MOB2: variants seen among roughly 807,000 people sequenced by gnomAD.
MOB2 encodes MOB kinase activator 2.
A neutral mutation model predicts 27.4 loss-of-function variants in MOB2; 14 were observed. That is an observed-to-expected ratio of 0.51 (90% CI 0.34 to 0.80). The LOEUF (loss-of-function observed/expected upper bound fraction) is 0.80. Ranked by LOEUF, MOB2 falls within the 30% of genes least tolerant of loss-of-function variation. The pLI is 0.01. For missense variants in MOB2, 304 were observed against 354.6 expected (o/e 0.86, Z 1.15); for synonymous variants, 167 against 151.8 (o/e 1.10, Z -0.74).
chr11:1,475,427 G>A lies in MOB2; in HGVS notation c.366-4008C>T, dbSNP rs538015558. ...GAGAGCACCAAACCCTATATATGCT[G>A]CGCTTTCTCCTATACATACATTACT... On this transcript the variant is annotated intron_variant, in intron 3 of 4. Transcript: ENST00000329957. Among the ~76,000 whole-genome samples, 8 of 152,276 alleles carry A rather than the reference G, an allele frequency of 5.3e-5. No individual in the cohort carries two copies. The East Asian group carries it at 1.5e-3, about 29-fold the overall frequency.
chr11:1,475,743 C>A (rs545164774), intron 3 of MOB2, among the ~76,000 whole-genome samples: 4 of 152,228 alleles, frequency 2.6e-5, no homozygotes, highest in Admixed American at 2.6e-4. Flanking sequence ...GTACTCAACA[C>A]GCACTGTGGC....
At position 1,470,409 on chromosome 11, in the gene MOB2, G is replaced by A. The variant is rs760233520; in HGVS notation, c.570C>T (p.Tyr190=). 8.7e-6 allele frequency: 14 copies of A among 1,613,740 alleles called. 1 individual carries two copies. In the South Asian group the frequency reaches 1.2e-4, roughly 14 times the overall value. Residue 190 remains tyrosine (Y), a synonymous_variant, in exon 5 of 5, where the codon TAC becomes TAT. Transcript: ENST00000329957. Reference sequence around the variant, plus strand: ...CCAGCGTCTCCTTGAAGTGGGCCCAGTAGATGTGTGCCAGCACGTGGAACA... The same window carrying A: ...CCAGCGTCTCCTTGAAGTGGGCCCAATAGATGTGTGCCAGCACGTGGAACA... ...RHLFHVLAHI[Y]WAHFKETLAL...
rs1429061569 is a variant in MOB2 at position 1,486,578 on chromosome 11, G to A, written c.-22C>T. 3 of 1,507,810 alleles carry A rather than the reference G, an allele frequency of 2.0e-6. No individual in the cohort carries two copies. Among genetic ancestry groups the A allele is most frequent in the South Asian group, 2.4e-5 (2 of 83,412 alleles). 93.4% of individuals were successfully genotyped at this position (1,507,810 alleles called of 1,614,324 possible). On this transcript the variant is annotated 5_prime_UTR_variant, in exon 1 of 5. Coordinates refer to ENST00000329957, the MANE Select transcript of MOB2 (RefSeq NM_001172223.3). ...GCATGAGTGGGCGACGGGAAGGTGG[G>A]GAGGAGAAGCGGGGCGGGGTGCCGG...
chr11:1,473,776 G>A (rs1847822907), intron 3 of MOB2, among the ~76,000 whole-genome samples: 2 of 152,206 alleles, frequency 1.3e-5, no homozygotes. Context: ...ATCCACATGT[G>A]GACTCACGCA....
chr11:1,480,352 G>C, intron 3 of MOB2, 41 bp downstream of exon 3: 1 of 1,582,162 alleles, frequency 6.3e-7, no homozygotes, highest in East Asian at 2.2e-5. Context: ...GCCCCACCGA[G>C]TCTCCCAAGA....
rs555138209 is a variant in MOB2, at chr11:1,486,516, C to A, written c.41G>T (p.Arg14Leu). The change falls in exon 1 of 5, where the codon CGG (arginine) becomes CTG (leucine). Residue 14 changes from arginine (R) to leucine (L), a missense_variant. Coordinates refer to ENST00000329957, the MANE Select transcript of MOB2 (RefSeq NM_001172223.3). ...TCCACTTTGCAGGGACTGGCCGGGC[C>A]GGGCTTGGTCTTCAGGGAGACTGCA... is the stretch of plus-strand genomic sequence containing the variant. ...DHCSLPEDQA[R>L]PGQSLQSGLC... 10 of 1,535,674 alleles carry A rather than the reference C, an allele frequency of 6.5e-6. No homozygotes were observed. Among genetic ancestry groups the A allele is most frequent in the East Asian group, 4.9e-5 (2 of 40,924 alleles).
At chr11:1,483,919 AG>A (rs1178597286) in intron 1 of MOB2, among the ~76,000 whole-genome samples, 4 of 152,164 alleles carry the variant, frequency 2.6e-5, no homozygotes. Context: ...GTCAACACAC[AG>A]GGGGTCTCAC....
At chr11:1,483,764 C>T (rs932004280) in intron 1 of MOB2, among the ~76,000 whole-genome samples, 5 of 152,216 alleles carry the variant, frequency 3.3e-5, no homozygotes, top group South Asian at 4.1e-4. Flanking sequence ...ACGTGCCAGT[C>T]GGCCTCCTTG....
At chr11:1,485,539 C>T (rs138702126) in intron 1 of MOB2, among the ~76,000 whole-genome samples, 14 of 152,200 alleles carry the variant, frequency 9.2e-5, no homozygotes, top group Non-Finnish European at 1.6e-4. Context: ...AAGATGGAGC[C>T]GGGTGCCCAG....
intron 3 of MOB2, chr11:1,471,734 T>A (rs1308585315): frequency 3.5e-6 from 1 of 282,808 alleles, no homozygotes; most frequent in South Asian, 9.0e-5. Context: ...CGCTTCTACA[T>A]GGCTTCAGTT....
chr11:1,480,721 G>A lies in MOB2; in HGVS notation c.271+4C>T, dbSNP rs774614141. 5 of 1,601,600 alleles carry A rather than the reference G, an allele frequency of 3.1e-6. No individual in the cohort carries two copies. Among genetic ancestry groups the A allele is most frequent in the Admixed American group, 1.7e-5 (1 of 58,744 alleles). On this transcript the variant is annotated splice_donor_region_variant and intron_variant, in intron 2 of 4. Transcript: ENST00000329957. ...AGGGGGCCCGCCCCCAGGCCCCCGC[G>A]CACTGTTGCTGGCCAGCCACTCGTT...
Position 1,480,704 on chromosome 11 carries a change from C to A in MOB2, c.271+21G>T. On this transcript the variant is annotated intron_variant, in intron 2 of 4. Transcript: ENST00000329957. ...AGGAGCAGGGAGGAGGGAGGGGGCCCGCCCCCAGGCCCCCGCGCACTGTTG... is the reference window on the plus strand; with the variant it reads ...AGGAGCAGGGAGGAGGGAGGGGGCCAGCCCCCAGGCCCCCGCGCACTGTTG... 3 of 1,595,762 alleles carry A rather than the reference C, an allele frequency of 1.9e-6. No homozygotes were observed. In the East Asian group the frequency reaches 6.8e-5, roughly 36 times the overall value.
chr11:1,484,720 AC>A (rs1301414982), intron 1 of MOB2, among the ~76,000 whole-genome samples: 1 of 151,704 alleles, frequency 6.6e-6, no homozygotes, highest in Admixed American at 6.6e-5. Context: ...CATTTCTAAC[AC>A]CGTGTTCTAA....
intron 3 of MOB2, among the ~76,000 whole-genome samples, chr11:1,479,637 T>C (rs551539286): frequency 6.6e-6 from 1 of 152,374 alleles, no homozygotes; most frequent in East Asian, 1.9e-4. Context: ...CACGTCTCCC[T>C]GTGCCAGGGC....
intron 4 of MOB2, 84 bp from the exon 5 acceptor site, chr11:1,470,572 C>G: frequency 1.4e-6 from 2 of 1,445,576 alleles, no homozygotes; most frequent in Middle Eastern, 2.5e-4. Context: ...CCTGGTGGGT[C>G]TGGTACCTGC....
At position 1,486,438 on chromosome 11, in the gene MOB2, A is replaced by C. The variant is rs1847970608; in HGVS notation, c.110+9T>G. ...ACACCCCTCCCCCAGCCAGGCTGGC[A>C]GGTGTTACCTGAGCACTTTGCTGAC... On this transcript the variant is annotated intron_variant, in intron 1 of 4. Transcript: ENST00000329957. 1.3e-6 allele frequency: 2 copies of C among 1,529,486 alleles called. No individual in the cohort carries two copies. Among genetic ancestry groups the C allele is most frequent in the African/African-American group, 1.4e-5 (1 of 72,942 alleles). 94.7% of individuals were successfully genotyped at this position (1,529,486 alleles called of 1,614,324 possible).
intron 1 of MOB2, among the ~76,000 whole-genome samples, chr11:1,484,622 G>A (rs960522111): frequency 6.6e-6 from 1 of 152,080 alleles, no homozygotes; most frequent in Admixed American, 6.5e-5. Context: ...ATGCAGGGAG[G>A]GCACCACATG....
rs1847973925 is a variant in MOB2, at chr11:1,486,683, C to G, written c.-127G>C. On this transcript the variant is annotated 5_prime_UTR_variant, in exon 1 of 5. Coordinates refer to ENST00000329957, the MANE Select transcript of MOB2 (RefSeq NM_001172223.3). ...CAATGGGACGCCTGGCAGAGACAAA[C>G]AGCTGCCCCCTTTCCAGAGGCAAGG... The G allele has an allele frequency of 1.5e-6, 1 of 646,808 alleles. No individual in the cohort carries two copies. The highest frequency in any genetic ancestry group is 2.4e-5 in the Admixed American group (1 of 41,166). 40.1% of individuals were successfully genotyped at this position (646,808 alleles called of 1,614,324 possible). A position where few individuals can be genotyped will look rare whatever the true frequency, so the allele number is the denominator to read the frequency against.
rs1847908317 is a variant in MOB2 at position 1,481,099 on chromosome 11, C to T, written c.111-214G>A. ...AGTGGAGCTGCCTTGCGTGGCACCT[C>T]CTGGGAAGAAGGGCTGGCGCTCCCA... is the stretch of plus-strand genomic sequence containing the variant. On this transcript the variant is annotated intron_variant, in intron 1 of 4. Transcript: ENST00000329957. 10 of 688,224 alleles carry T rather than the reference C, an allele frequency of 1.5e-5. No homozygotes were observed. The South Asian group carries it at 1.6e-4, about 11-fold the overall frequency. 42.6% of individuals were successfully genotyped at this position (688,224 alleles called of 1,614,324 possible).
Sources: allele counts gnomAD v4.1 joint callset (sites outside exome capture counted in the v4.1 genomes callset), GRCh38; gene constraint gnomAD v4.1.1; transcripts MANE v1.5; gene names NCBI Gene and HGNC (gene_info 2026-07-23, HGNC 2026-07-21).